Variants in SGCE observed in about 807,000 individuals in gnomAD.
The protein encoded by SGCE is sarcoglycan epsilon.
A neutral mutation model predicts 57.8 loss-of-function variants in SGCE; 26 were observed. The observed-to-expected ratio is 0.45, with a 90% CI of 0.33 to 0.62. The LOEUF (loss-of-function observed/expected upper bound fraction) is 0.62, where lower values mean the gene tolerates loss of function less well. Among genes scored for constraint, SGCE ranks in the 20% least tolerant of loss-of-function variants. The pLI is 0.02. For synonymous variants in SGCE, 183 were observed against 189.5 expected (o/e 0.97, Z 0.28); for missense variants, 468 against 548.6 (o/e 0.85, Z 1.47).
At chr7:94,594,206 C>T (rs921708056) in intron 9 of SGCE, among the ~76,000 whole-genome samples, 7 of 152,072 alleles carry the variant, frequency 4.6e-5, no homozygotes, top group Admixed American at 6.6e-5. Context: ...ACAAACATAA[C>T]ACCAGTCACA....
intron 1 of SGCE, among the ~76,000 whole-genome samples, chr7:94,646,026 T>C (rs1188564205): frequency 1.3e-5 from 2 of 152,202 alleles, no homozygotes; most frequent in Non-Finnish European, 2.9e-5. Context: ...CTGTAGAGGC[T>C]ACTCAGAAGA....
chr7:94,608,983 A>ATT (rs1800584907), intron 5 of SGCE, among the ~76,000 whole-genome samples: 1 of 152,226 alleles, frequency 6.6e-6, no homozygotes, highest in Admixed American at 6.5e-5. Context: ...ATAGAGGAGA[A>ATT]AATCGAGATG....
intron 1 of SGCE, among the ~76,000 whole-genome samples, chr7:94,651,735 A>AT (rs2117104633): frequency 6.6e-6 from 1 of 152,330 alleles, no homozygotes; most frequent in South Asian, 2.1e-4. Context: ...TTTTTACTTA[A>AT]TACTGTCTTT....
intron 4 of SGCE, 185 bp from the exon 5 acceptor site, chr7:94,619,141 A>C: frequency 1.7e-6 from 1 of 598,470 alleles, no homozygotes. Context: ...TGACATTAGA[A>C]ACAGAACTTT....
At chr7:94,596,646 C>T (rs564945088) in intron 9 of SGCE, among the ~76,000 whole-genome samples, 77 of 152,200 alleles carry the variant, frequency 5.1e-4, no homozygotes, top group African/African-American at 1.6e-3. Context: ...CAGGTATATG[C>T]TTGGATAATG....
intron 5 of SGCE, 146 bp from the exon 6 acceptor site, chr7:94,603,598 A>G (rs1799613412): frequency 4.2e-6 from 3 of 717,284 alleles, no homozygotes; most frequent in Non-Finnish European, 7.2e-6. Flanking sequence ...TCTAAAAACA[A>G]TGATTCATGT....
chr7:94,651,935 T>TA (rs1562907609), intron 1 of SGCE, among the ~76,000 whole-genome samples: 7 of 118,282 alleles, frequency 5.9e-5, no homozygotes, highest in African/African-American at 1.9e-4. Flanking sequence ...TTCTTCTTTA[T>TA]TATTTTTTTT....
chr7:94,651,864 A>G (rs935529349), intron 1 of SGCE, among the ~76,000 whole-genome samples: 2 of 152,162 alleles, frequency 1.3e-5, no homozygotes, highest in Non-Finnish European at 2.9e-5. Flanking sequence ...TCAACCTGAA[A>G]ACTTGAATCA....
At chr7:94,643,763 T>C (rs767824177) in intron 1 of SGCE, among the ~76,000 whole-genome samples, 1 of 152,218 alleles carries the variant, frequency 6.6e-6, no homozygotes. Context: ...ATTCTGTACA[T>C]TGACAAGTAC....
At chr7:94,655,950 G>C (rs763872594) in intron 1 of SGCE, 40 bp downstream of exon 1, 3 of 1,341,796 alleles carry the variant, frequency 2.2e-6, no homozygotes, top group Admixed American at 1.7e-5. Flanking sequence ...GCGGCGGCCT[G>C]TTGGCCCCGG....
intron 1 of SGCE, among the ~76,000 whole-genome samples, chr7:94,634,619 T>C (rs762239857): frequency 7.9e-5 from 12 of 152,154 alleles, no homozygotes; most frequent in Admixed American, 2.0e-4. Context: ...CACATTGAAG[T>C]AAAAACAAAT....
intron 3 of SGCE, chr7:94,625,940 C>G (rs921708859): frequency 6.6e-6 from 1 of 152,014 alleles, no homozygotes; most frequent in Admixed American, 6.6e-5. Context: ...TAATAAGGTA[C>G]AGGGATACTC....
rs1382405643 is a variant in SGCE at position 94,633,818 on chromosome 7, T to C, written c.110-3977A>G. The stretch of plus-strand genomic sequence containing the variant: ...ACTATGGTGGTACGCTGCCAATGAA[T>C]CCACAGCATATAACTTCACAATTCT... On this transcript the variant is annotated intron_variant, in intron 1 of 10. Transcript: ENST00000648936. 2.6e-5 allele frequency among the ~76,000 whole-genome samples: 4 copies of C among 152,140 alleles called. No homozygotes were observed. In the East Asian group the frequency reaches 7.7e-4, roughly 29 times the overall value.
chr7:94,587,237 A>G (rs1222557283), intron 10 of SGCE: 17 of 985,624 alleles, frequency 1.7e-5, no homozygotes, highest in Non-Finnish European at 2.0e-5. Context: ...TAACAAGAGT[A>G]CTTGCTAAAA....
chr7:94,629,927 G>A (rs1467886297), intron 1 of SGCE, 86 bp from the exon 2 acceptor site: 2 of 1,494,928 alleles, frequency 1.3e-6, no homozygotes, highest in Non-Finnish European at 1.9e-6. Flanking sequence ...TTTATAAAGA[G>A]GGGTCTCACT....
At chr7:94,588,093 A>T in intron 10 of SGCE, 1 of 1,218,024 alleles carries the variant, frequency 8.2e-7, no homozygotes, top group Non-Finnish European at 1.0e-6. Flanking sequence ...CAGTATAGAG[A>T]TGAATGAAAT....
intron 9 of SGCE, among the ~76,000 whole-genome samples, chr7:94,592,739 A>G (rs1489690243): frequency 2.6e-5 from 4 of 152,114 alleles, no homozygotes; most frequent in Non-Finnish European, 5.9e-5. Flanking sequence ...TGGATACCCT[A>G]TACCGTAATT....
chr7:94,598,019 AG>A, intron 9 of SGCE: 1 of 173,240 alleles, frequency 5.8e-6, no homozygotes, highest in Non-Finnish European at 1.2e-5. Flanking sequence ...AAAAAAAAAA[AG>A]AAAAAAAGAG....
chr7:94,609,436 G>C (rs1268271958), intron 5 of SGCE, among the ~76,000 whole-genome samples: 1 of 152,212 alleles, frequency 6.6e-6, no homozygotes, highest in Non-Finnish European at 1.5e-5. Flanking sequence ...GGAGGCTGAG[G>C]CATGAGAATC....
Sources: allele counts gnomAD v4.1 joint callset (sites outside exome capture counted in the v4.1 genomes callset), GRCh38; gene constraint gnomAD v4.1.1; transcripts MANE v1.5; gene names NCBI Gene and HGNC (gene_info 2026-07-23, HGNC 2026-07-21).